BCL2L13: variants seen among roughly 807,000 people sequenced by gnomAD.
BCL2L13 encodes bcl-2-like protein 13.
Under a neutral mutation model 25.8 loss-of-function variants are expected in BCL2L13, and 13 were observed. The observed-to-expected ratio is 0.50, with a 90% CI of 0.33 to 0.80. BCL2L13 has a LOEUF of 0.80. Ranked by LOEUF, BCL2L13 falls within the 30% of genes least tolerant of loss-of-function variation. The pLI is 0.02. For synonymous variants in BCL2L13, 244 were observed against 230.3 expected (o/e 1.06, Z -0.54); for missense variants, 504 against 574.9 (o/e 0.88, Z 1.26).
In BCL2L13 at chr22:17,727,288, C is replaced by T; in HGVS notation, c.1212C>T (p.Pro404=). 2 of 1,614,224 alleles carry T rather than the reference C, an allele frequency of 1.2e-6. No homozygotes were observed. Among genetic ancestry groups the T allele is most frequent in the Non-Finnish European group, 1.7e-6 (2 of 1,180,042 alleles). The change falls in exon 7 of 7, where the codon CCC becomes CCT. Residue 404 remains proline, a synonymous_variant. Transcript: ENST00000317582. ...EVEEVVPALE[P]TETLLSEKEI... ...AGGAGGTGGTCCCCGCACTGGAACCCACAGAAACGCTGCTGAGTGAGAAGG... is the reference window on the plus strand; with the variant it reads ...AGGAGGTGGTCCCCGCACTGGAACCTACAGAAACGCTGCTGAGTGAGAAGG...
chr22:17,710,782 CAGG>C (rs1218386285), intron 6 of BCL2L13, among the ~76,000 whole-genome samples: 1 of 151,292 alleles, frequency 6.6e-6, no homozygotes, highest in Non-Finnish European at 1.5e-5. Flanking sequence ...GAGGCTGAGG[CAGG>C]AGAATGGTAT....
chr22:17,664,924 A>G (rs2059190666), intron 2 of BCL2L13, among the ~76,000 whole-genome samples: 2 of 152,180 alleles, frequency 1.3e-5, no homozygotes, highest in Non-Finnish European at 2.9e-5. Context: ...TTTCCCTCCT[A>G]GGACTGTGAT....
chr22:17,707,743 G>A (rs1447202350), intron 6 of BCL2L13, among the ~76,000 whole-genome samples: 1 of 152,136 alleles, frequency 6.6e-6, no homozygotes, highest in Non-Finnish European at 1.5e-5. Flanking sequence ...TACCAACGTA[G>A]ATGGGCTTTG....
intron 2 of BCL2L13, among the ~76,000 whole-genome samples, chr22:17,668,599 ATGCACCACAGGCG>A (rs1277536319): frequency 6.6e-6 from 1 of 151,674 alleles, no homozygotes; most frequent in African/African-American, 2.4e-5. Context: ...GATTACAGGC[ATGCACCACAGGCG>A]TGCACCACGA....
intron 2 of BCL2L13, among the ~76,000 whole-genome samples, chr22:17,678,503 G>A (rs2059639195): frequency 6.6e-6 from 1 of 152,104 alleles, no homozygotes; most frequent in Admixed American, 6.6e-5. Context: ...CGATTTTGTA[G>A]TCAGACTCAC....
intron 6 of BCL2L13, among the ~76,000 whole-genome samples, chr22:17,705,233 A>G (rs1054965233): frequency 6.6e-6 from 1 of 151,790 alleles, no homozygotes; most frequent in African/African-American, 2.4e-5. Flanking sequence ...AGATCGTGCC[A>G]TTGCACTCCA....
chr22:17,640,079 C>T (rs1408506648), intron 1 of BCL2L13, among the ~76,000 whole-genome samples: 1 of 152,174 alleles, frequency 6.6e-6, no homozygotes, highest in Non-Finnish European at 1.5e-5. Flanking sequence ...GTCTCGAACT[C>T]CCAATCTCTG....
At chr22:17,655,315 T>A (rs970880764) in intron 1 of BCL2L13, among the ~76,000 whole-genome samples, 12 of 150,756 alleles carry the variant, frequency 8.0e-5, no homozygotes, top group Middle Eastern at 3.4e-3. Context: ...TTTTTTTTTT[T>A]AAATAAGCAG....
chr22:17,695,379 T>G (rs2060234191), intron 4 of BCL2L13, among the ~76,000 whole-genome samples: 1 of 152,182 alleles, frequency 6.6e-6, no homozygotes, highest in African/African-American at 2.4e-5. Flanking sequence ...TGGAGTTCAG[T>G]GGTGCGATCT....
At chr22:17,716,606 C>G (rs926046756) in intron 6 of BCL2L13, among the ~76,000 whole-genome samples, 4 of 152,112 alleles carry the variant, frequency 2.6e-5, no homozygotes, top group Non-Finnish European at 2.9e-5. Flanking sequence ...TGTAGCCTTT[C>G]AAAAATTTAT....
intron 6 of BCL2L13, among the ~76,000 whole-genome samples, chr22:17,717,490 A>G (rs1302682192): frequency 2.6e-5 from 4 of 151,900 alleles, no homozygotes; most frequent in Non-Finnish European, 4.4e-5. Flanking sequence ...GGGTCTTACC[A>G]TCTTACCCAG....
intron 6 of BCL2L13, among the ~76,000 whole-genome samples, chr22:17,714,304 T>G (rs910980592): frequency 1.3e-5 from 2 of 151,546 alleles, no homozygotes; most frequent in Admixed American, 1.3e-4. Flanking sequence ...AAAAAAAAAT[T>G]AGCCAGGTGT....
At chr22:17,663,427 A>T (rs2059133373) in intron 2 of BCL2L13, among the ~76,000 whole-genome samples, 3 of 152,206 alleles carry the variant, frequency 2.0e-5, no homozygotes, top group Non-Finnish European at 4.4e-5. Context: ...AATTATATCA[A>T]AATGACTAAA....
intron 3 of BCL2L13, among the ~76,000 whole-genome samples, chr22:17,686,856 C>T (rs1466640645): frequency 6.6e-6 from 1 of 152,094 alleles, no homozygotes; most frequent in Non-Finnish European, 1.5e-5. Context: ...TTCTGATTCT[C>T]TTCATGTATA....
chr22:17,665,180 G>A (rs1445740716), intron 2 of BCL2L13, among the ~76,000 whole-genome samples: 1 of 152,098 alleles, frequency 6.6e-6, no homozygotes, highest in African/African-American at 2.4e-5. Context: ...TAAATCATCT[G>A]TCTCAGGTTT....
At chr22:17,665,256 A>T (rs577143924) in intron 2 of BCL2L13, among the ~76,000 whole-genome samples, 1 of 152,314 alleles carries the variant, frequency 6.6e-6, no homozygotes, top group East Asian at 1.9e-4. Context: ...ACATAGCAAG[A>T]GTCACCTTTG....
intron 2 of BCL2L13, among the ~76,000 whole-genome samples, chr22:17,679,813 T>C (rs553708465): frequency 6.6e-6 from 1 of 152,210 alleles, no homozygotes; most frequent in South Asian, 2.1e-4. Context: ...TGGATACAAA[T>C]GTTTTCTTTG....
chr22:17,684,925 G>A (rs1339384885), intron 3 of BCL2L13, among the ~76,000 whole-genome samples: 2 of 151,986 alleles, frequency 1.3e-5, no homozygotes, highest in African/African-American at 4.8e-5. Flanking sequence ...GTAGAGACGG[G>A]GTTTCAGCGT....
chr22:17,715,343 G>A (rs1470341), intron 6 of BCL2L13, among the ~76,000 whole-genome samples: 76,578 of 148,490 alleles, frequency 0.52, 20,423 homozygotes, highest in East Asian at 0.84. Flanking sequence ...AACCACTCCC[G>A]GCCAATTTTG....
Sources: gnomAD v4.1 joint callset for allele counts (sites outside exome capture counted in the v4.1 genomes callset) on GRCh38, gnomAD v4.1.1 for gene constraint, MANE v1.5 for transcripts, NCBI Gene and HGNC (gene_info 2026-07-23, HGNC 2026-07-21) for gene names.